OR5K1: variants seen among roughly 807,000 people sequenced by gnomAD.
OR5K1 encodes olfactory receptor 5K1.
In OR5K1, 7 loss-of-function variants were observed where a neutral mutation model predicts 10.4. That is an observed-to-expected ratio of 0.67 (90% confidence interval 0.38 to 1.26). OR5K1 has a LOEUF of 1.26. Ranked by LOEUF, OR5K1 falls within the 50% of genes most tolerant of loss-of-function variation. The pLI is 0.02. For missense variants in OR5K1, 435 were observed against 366.2 expected, an observed-to-expected ratio of 1.19 and a Z score of -1.53; for synonymous variants, 135 against 128.5, an observed-to-expected ratio of 1.05 and a Z score of -0.34.
intron 1 of OR5K1, among the ~76,000 whole-genome samples, chr3:98,468,061 T>G (rs1197425761): frequency 6.6e-6 from 1 of 152,152 alleles, no homozygotes; most frequent in Non-Finnish European, 1.5e-5. Context: ...ACATGAATAA[T>G]TCTTAATTGT....
Position 98,472,869 on chromosome 3 carries a change from G to C in OR5K1, c.*2366G>C, listed in dbSNP as rs1270031139. 6.6e-6 allele frequency: 1 copy of C among 151,752 alleles called. No homozygotes were observed. The highest frequency in any genetic ancestry group is 1.5e-5 in the Non-Finnish European group (1 of 67,882). The allele number at this position is 151,752 out of a possible 1,614,324, so 9.4% of individuals were successfully genotyped here. On this transcript the variant is annotated 3_prime_UTR_variant, in exon 2 of 2. Transcript: ENST00000642057. The stretch of plus-strand genomic sequence containing the variant: ...TACTGGTTATGGGAGAAAAATATCT[G>C]ATAAAATGAATATTTTTAAAATCTC...
Position 98,469,404 on chromosome 3 carries a change from C to A in OR5K1, c.-11-162C>A. ...TCATCACTAGCCAAAGAGGTAATTCCTTTATGGAAATTCATTCTCCCCATG... is the reference window on the plus strand; with the variant it reads ...TCATCACTAGCCAAAGAGGTAATTCATTTATGGAAATTCATTCTCCCCATG... On this transcript the variant is annotated intron_variant, in intron 1 of 1. Coordinates refer to ENST00000642057, the MANE Select transcript of OR5K1 (RefSeq NM_001004736.4). 4 of 637,142 alleles carry A rather than the reference C, an allele frequency of 6.3e-6. No individual in the cohort carries two copies. In the South Asian group the frequency reaches 6.6e-5, roughly 11 times the overall value. The allele number at this position is 637,142 out of a possible 1,614,324, so 39.5% of individuals were successfully genotyped here. A position where few individuals can be genotyped will look rare whatever the true frequency, so the allele number is the denominator to read the frequency against.
At chr3:98,467,232 G>C (rs1171962023) in intron 1 of OR5K1, among the ~76,000 whole-genome samples, 1 of 81,078 alleles carries the variant, frequency 1.2e-5, no homozygotes, top group Non-Finnish European at 2.3e-5. Context: ...TTATTTCTGA[G>C]GGCTCTGTTC....
At chr3:98,469,334 T>C (rs976485731) in intron 1 of OR5K1, 5 of 546,254 alleles carry the variant, frequency 9.2e-6, no homozygotes, top group Non-Finnish European at 1.6e-5. Context: ...TTAGGTACTA[T>C]TAAAATGGTT....
rs192780320 is a variant in OR5K1, at chr3:98,470,278, G to T, written c.702G>T (p.Arg234Ser). The change falls in exon 2 of 2, where the codon AGG (arginine) becomes AGT (serine). Residue 234 changes from arginine to serine, a missense_variant. Coordinates refer to ENST00000642057, the MANE Select transcript of OR5K1 (RefSeq NM_001004736.4). Reference sequence around the variant, plus strand: ...TCAAAATGAAATCCAAAGAGGGAAGGGCCAAAGCTTTTTCTACCTGTGCAT... The same window carrying T: ...TCAAAATGAAATCCAAAGAGGGAAGTGCCAAAGCTTTTTCTACCTGTGCAT... ...TIFKMKSKEG[R>S]AKAFSTCASH... 132 of 1,613,108 alleles carry T rather than the reference G, an allele frequency of 8.2e-5. No homozygotes were observed. In the African/African-American group the frequency reaches 1.6e-3, roughly 19 times the overall value.
rs192366878 is a variant in OR5K1, at chr3:98,470,077, T to G, written c.501T>G (p.Val167=). The change falls in exon 2 of 2, where the codon GTT becomes GTG. Residue 167 remains valine, a synonymous_variant. Transcript: ENST00000642057. ...ATGTAGGGCTTGTATTTAGGTTAGT[T>G]TTCTGTGGATCGAATCACATCAACC... ...MIHVGLVFRL[V]FCGSNHINHF... is the part of the protein sequence containing the mutation. 318 of 1,613,684 alleles carry G rather than the reference T, an allele frequency of 2.0e-4. 1 individual carries two copies. The East Asian group carries it at 6.9e-3, about 35-fold the overall frequency.
rs369149810 is a variant in OR5K1 at position 98,470,118 on chromosome 3, T to G, written c.542T>G (p.Ile181Ser). 1.9e-6 allele frequency: 3 copies of G among 1,613,562 alleles called. No homozygotes were observed. Among genetic ancestry groups the G allele is most frequent in the Non-Finnish European group, 2.5e-6 (3 of 1,179,722 alleles). Residue 181 changes from isoleucine (I) to serine (S), a missense_variant, in exon 2 of 2, where the codon ATT (isoleucine) becomes AGT (serine). By Grantham distance (142) the Ile-to-Ser change is moderately radical (BLOSUM62 -2). Coordinates refer to ENST00000642057, the MANE Select transcript of OR5K1 (RefSeq NM_001004736.4). Reference sequence around the variant, plus strand: ...CACATCAACCACTTTTACTGTGATATTCTTCCCTTGTATAGACTCTCTTGT... The same window carrying G: ...CACATCAACCACTTTTACTGTGATAGTCTTCCCTTGTATAGACTCTCTTGT... ...SNHINHFYCD[I>S]LPLYRLSCVD...
rs763424962 is a variant in OR5K1, at chr3:98,469,670, T to C, written c.94T>C (p.Phe32Leu). 6.2e-7 allele frequency: 1 copy of C among 1,613,728 alleles called. No individual in the cohort carries two copies. Among genetic ancestry groups the C allele is most frequent in the Non-Finnish European group, 8.5e-7 (1 of 1,179,776 alleles). Reference sequence around the variant, plus strand: ...GAAGACTCTGCTGTTTGTGGTGTTCTTTGCCATCTATCTGATCACCGTGGT... The same window carrying C: ...GAAGACTCTGCTGTTTGTGGTGTTCCTTGCCATCTATCTGATCACCGTGGT... ...ELKTLLFVVFFAIYLITVVGN... is the reference protein window; with the variant it reads ...ELKTLLFVVFLAIYLITVVGN... Residue 32 changes from phenylalanine to leucine, a missense_variant, in exon 2 of 2, where the codon TTT becomes CTT. Physicochemically the swap from Phe to Leu is conservative, Grantham distance 22. Coordinates refer to ENST00000642057, the MANE Select transcript of OR5K1 (RefSeq NM_001004736.4).
chr3:98,463,604 T>C (rs1330646742), intron 1 of OR5K1, among the ~76,000 whole-genome samples: 23 of 151,802 alleles, frequency 1.5e-4, no homozygotes, highest in Non-Finnish European at 5.9e-5. Flanking sequence ...AATAATGTAG[T>C]TTGTCCTATT....
intron 1 of OR5K1, among the ~76,000 whole-genome samples, chr3:98,465,942 C>T (rs1180507542): frequency 1.3e-5 from 2 of 151,064 alleles, no homozygotes; most frequent in Non-Finnish European, 2.9e-5. Flanking sequence ...TACATGTGCA[C>T]ATTGTGCAGG....
Position 98,467,969 on chromosome 3 carries a change from A to G in OR5K1, c.-11-1597A>G, listed in dbSNP as rs530820886. Among the ~76,000 whole-genome samples, 951 of 151,804 alleles carry G rather than the reference A, an allele frequency of 6.3e-3. 15 individuals carry two copies. The highest frequency in any genetic ancestry group is 0.022 in the African/African-American group (916 of 41,392). ...AGGAGCGGTGAGAGAGGGCATCCCT[A>G]TCTTGTGCCAGTTTTCAAAGGGAAT... is the stretch of plus-strand genomic sequence containing the variant. On this transcript the variant is annotated intron_variant, in intron 1 of 1. Transcript: ENST00000642057.
intron 1 of OR5K1, among the ~76,000 whole-genome samples, chr3:98,466,360 C>T (rs1271987549): frequency 6.3e-5 from 7 of 111,310 alleles, no homozygotes; most frequent in Admixed American, 9.2e-5. Context: ...AGTAAACATA[C>T]GTGTGCATGT....
rs1705404650 is a variant in OR5K1 at position 98,468,796 on chromosome 3, CT to C, written c.-11-766del. On this transcript the variant is annotated intron_variant, in intron 1 of 1. Transcript: ENST00000642057. ...ATTAACATTGGCATATAAAAATACTCTTTTAAACAACATTGTTAATCAGTAC... is the reference window on the plus strand; with the variant it reads ...ATTAACATTGGCATATAAAAATACTCTTTAAACAACATTGTTAATCAGTAC... Among the ~76,000 whole-genome samples, 3 of 152,022 alleles carry C rather than the reference CT, an allele frequency of 2.0e-5. No individual in the cohort carries two copies. The East Asian group carries it at 5.8e-4, about 29-fold the overall frequency.
rs1705413766 is a variant in OR5K1, at chr3:98,469,435, G to A, written c.-11-131G>A. The A allele has an allele frequency of 7.8e-6, 6 of 769,718 alleles. 2 individuals carry two copies. The South Asian group carries it at 1.1e-4, about 15-fold the overall frequency. The allele number at this position is 769,718 out of a possible 1,614,324, so 47.7% of individuals were successfully genotyped here. A position where few individuals can be genotyped will look rare whatever the true frequency, so the allele number is the denominator to read the frequency against. On this transcript the variant is annotated intron_variant, in intron 1 of 1. Coordinates refer to ENST00000642057, the MANE Select transcript of OR5K1 (RefSeq NM_001004736.4). ...GGAAATTCATTCTCCCCATGAATGG[G>A]GCATGCACCAAAGTCCAGGCAACAT...
chr3:98,472,588 C>G lies in OR5K1; in HGVS notation c.*2085C>G, dbSNP rs1265483250. ...CTAGGATGATACTTAGTTTTCACAT[C>G]ATTACAAATGTTTCCCAAATGTACT... On this transcript the variant is annotated 3_prime_UTR_variant, in exon 2 of 2. Transcript: ENST00000642057. The G allele has an allele frequency of 6.6e-6, 1 of 151,960 alleles. No homozygotes were observed. The highest frequency in any genetic ancestry group is 1.5e-5 in the Non-Finnish European group (1 of 67,952). 9.4% of individuals were successfully genotyped at this position (151,960 alleles called of 1,614,324 possible). A position where few individuals can be genotyped will look rare whatever the true frequency, so the allele number is the denominator to read the frequency against.
chr3:98,470,137 C>T lies in OR5K1; in HGVS notation c.561C>T (p.Leu187=). 2 of 1,613,592 alleles carry T rather than the reference C, an allele frequency of 1.2e-6. No individual in the cohort carries two copies. The highest frequency in any genetic ancestry group is 4.5e-5 in the East Asian group (2 of 44,866). The change falls in exon 2 of 2, where the codon CTC becomes CTT. Residue 187 remains leucine, a synonymous_variant. Coordinates refer to ENST00000642057, the MANE Select transcript of OR5K1 (RefSeq NM_001004736.4). ...GTGATATTCTTCCCTTGTATAGACT[C>T]TCTTGTGTTGATCCTTATATCAATG... The part of the protein sequence containing the change: ...FYCDILPLYR[L]SCVDPYINEL...
At position 98,470,458 on chromosome 3, in the gene OR5K1, T is replaced by C. The variant is rs778626327; in HGVS notation, c.882T>C (p.Asn294=). The part of the protein sequence containing the change: ...LLNPFIYSLR[N]REVISVLRKI... ...ATCCTTTCATTTATAGCCTGAGAAA[T>C]AGGGAAGTAATAAGTGTCTTAAGAA... The change falls in exon 2 of 2, where the codon AAT becomes AAC. Residue 294 remains asparagine (N), a synonymous_variant. Transcript: ENST00000642057. 1.0e-5 allele frequency: 16 copies of C among 1,588,678 alleles called. No homozygotes were observed. Among genetic ancestry groups the C allele is most frequent in the East Asian group, 2.2e-5 (1 of 44,624 alleles).
intron 1 of OR5K1, among the ~76,000 whole-genome samples, chr3:98,464,215 C>T (rs1705343069): frequency 6.6e-6 from 1 of 152,138 alleles, no homozygotes; most frequent in African/African-American, 2.4e-5. Flanking sequence ...AAGACTGTAC[C>T]TCTGCACTCC....
intron 1 of OR5K1, among the ~76,000 whole-genome samples, chr3:98,469,013 C>T (rs1705409064): frequency 6.6e-6 from 1 of 151,994 alleles, no homozygotes; most frequent in African/African-American, 2.4e-5. Flanking sequence ...TTCACAATAG[C>T]AGAGACATGG....
Sources: gnomAD v4.1 joint callset for allele counts (sites outside exome capture counted in the v4.1 genomes callset) on GRCh38, gnomAD v4.1.1 for gene constraint, MANE v1.5 for transcripts, NCBI Gene and HGNC (gene_info 2026-07-23, HGNC 2026-07-21) for gene names.